Variants in B9D1 observed in about 807,000 individuals in gnomAD.
The protein encoded by B9D1 is B9 domain-containing protein 1.
In B9D1, 20 loss-of-function variants were observed where a neutral mutation model predicts 26.1. That is an observed-to-expected ratio of 0.77 (90% CI 0.54 to 1.12). The LOEUF is 1.12. Ranked by LOEUF, B9D1 falls within the 50% of genes most tolerant of loss-of-function variation. The pLI, the probability that B9D1 is intolerant of heterozygous loss-of-function variation, is 0.00. For missense variants in B9D1, 260 were observed against 273.7 expected (o/e 0.95, Z 0.35); for synonymous variants, 105 against 103.1 (o/e 1.02, Z -0.11).
rs1673048665 is a variant in B9D1, at chr17:19,347,076, C to T, written c.404+193G>A. Reference sequence around the variant, plus strand: ...AGGGCACAGGGTAAAATCGCCCGGCCTTCTGCTGCTGGAACAGGGCTGAAG... The same window carrying T: ...AGGGCACAGGGTAAAATCGCCCGGCTTTCTGCTGCTGGAACAGGGCTGAAG... On this transcript the variant is annotated intron_variant, in intron 5 of 6. Transcript: ENST00000261499. The surrounding 1 kb of genome is among the most constrained non-coding windows in gnomAD (Gnocchi z 4.3). 2 of 1,553,528 alleles carry T rather than the reference C, an allele frequency of 1.3e-6. No homozygotes were observed. Among genetic ancestry groups the T allele is most frequent in the Non-Finnish European group, 1.7e-6 (2 of 1,148,534 alleles).
At chr17:19,341,531 A>C (rs942047430), downstream of B9D1, among the ~76,000 whole-genome samples, 3 of 152,182 alleles carry the variant, frequency 2.0e-5, no homozygotes, top group Admixed American at 6.5e-5. Flanking sequence ...CAGGTAGGGT[A>C]AGGAAGGCAG....
chr17:19,377,851 G>T, intron 1 of B9D1: 1 of 985,438 alleles, frequency 1.0e-6, no homozygotes, highest in South Asian at 4.7e-5. Flanking sequence ...CGAGCGGAGG[G>T]AAGATACCTA....
At chr17:19,355,178 G>C (rs1341076086) in intron 3 of B9D1, among the ~76,000 whole-genome samples, 1 of 152,082 alleles carries the variant, frequency 6.6e-6, no homozygotes, top group Non-Finnish European at 1.5e-5. Context: ...TGTTTAATCT[G>C]CTGAATTCCT....
Position 19,347,223 on chromosome 17 carries a change from C to A in B9D1, c.404+46G>T. 1.2e-6 allele frequency: 2 copies of A among 1,614,228 alleles called. No homozygotes were observed. The highest frequency in any genetic ancestry group is 1.7e-6 in the Non-Finnish European group (2 of 1,180,034). ...TGAGGGGTAGAATGGGACATCCATT[C>A]ATCCAGTAGATCAGGAGGGGCTGGG... On this transcript the variant is annotated intron_variant, in intron 5 of 6. Coordinates refer to ENST00000261499, the MANE Select transcript of B9D1 (RefSeq NM_015681.6). The surrounding 1 kb of genome is among the most constrained non-coding windows in gnomAD (Gnocchi z 4.3).
At chr17:19,341,307 T>A (rs1907935919), downstream of B9D1, 1 of 1,232,038 alleles carries the variant, frequency 8.1e-7, no homozygotes, top group African/African-American at 1.5e-5. Flanking sequence ...AGAAGACAGC[T>A]TTCCGGGGAG....
Position 19,347,870 on chromosome 17 carries a change from G to A in B9D1, c.255C>T (p.Ile85=), listed in dbSNP as rs759444627. 1.2e-5 allele frequency: 19 copies of A among 1,613,928 alleles called. No individual in the cohort carries two copies. The highest frequency in any genetic ancestry group is 3.3e-5 in the South Asian group (3 of 91,070). ...CATCTGGTCCATACACGCTGAGCAC[G>A]ATCTGTGGCCCTTGGGAAGGACAAG... ...KSTNPYGWPQ[I]VLSVYGPDVF... The change falls in exon 4 of 7, where the codon ATC becomes ATT. Residue 85 remains isoleucine, a synonymous_variant. Transcript: ENST00000261499. This position sits in a 1 kb window ranked among gnomAD's most constrained non-coding sequence, Gnocchi z 4.3.
At chr17:19,363,832 T>TGCCTAGTGAGCAAAGATATTTGATCAGGG (rs1911417212), upstream of B9D1, 1 of 151,940 alleles carries the variant, frequency 6.6e-6, no homozygotes, top group African/African-American at 2.4e-5. Flanking sequence ...AACCACCCCC[T>TGCCTAGTGAGCAAAGATATTTGATCAGGG]GCCTAGTGAG....
chr17:19,342,304 C>T (rs144488938), downstream of B9D1, among the ~76,000 whole-genome samples: 9 of 152,164 alleles, frequency 5.9e-5, no homozygotes, highest in East Asian at 1.5e-3. Flanking sequence ...GGGGAGGGCA[C>T]GGGAGTGCTC....
At chr17:19,342,974 C>CT, downstream of B9D1, 3 of 717,070 alleles carry the variant, frequency 4.2e-6, no homozygotes, top group Non-Finnish European at 5.8e-6. Flanking sequence ...GGCCACACAG[C>CT]TTTGAGTGGC....
chr17:19,348,261 G>A (rs1437293988), intron 3 of B9D1, among the ~76,000 whole-genome samples: 10 of 152,134 alleles, frequency 6.6e-5, no homozygotes, highest in African/African-American at 2.2e-4. Flanking sequence ...TGATGGAGGC[G>A]GGCTCATGGG....
At chr17:19,362,908 G>C (rs996769368), upstream of B9D1, 1 of 418,572 alleles carries the variant, frequency 2.4e-6, no homozygotes, top group African/African-American at 2.0e-5. Context: ...TGTTCACTCT[G>C]ACTCGGCCCG....
intron 3 of B9D1, 70 bp downstream of exon 3, chr17:19,357,770 G>T: frequency 9.0e-7 from 1 of 1,116,032 alleles, no homozygotes; most frequent in Non-Finnish European, 1.4e-6. Context: ...GCTGGATGAG[G>T]CAGAGGCTGT....
At chr17:19,365,233 A>G (rs1290166023), upstream of B9D1, among the ~76,000 whole-genome samples, 1 of 152,234 alleles carries the variant, frequency 6.6e-6, no homozygotes, top group Non-Finnish European at 1.5e-5. This position sits in a 1 kb window ranked among gnomAD's most constrained non-coding sequence, Gnocchi z 5.0. Flanking sequence ...TGAGGACAAG[A>G]GCAGCTCCCC....
intron 2 of B9D1, 71 bp downstream of exon 2, chr17:19,360,249 G>T: frequency 7.2e-7 from 1 of 1,396,530 alleles, no homozygotes; most frequent in Non-Finnish European, 1.0e-6. Context: ...ATGGGGAGGG[G>T]AAGGATATGA....
In B9D1 at chr17:19,362,612, C is replaced by T; in HGVS notation, c.-43G>A. The stretch of plus-strand genomic sequence containing the variant: ...CGGGGGGACCCACCTAGGCCGCGCG[C>T]GGTTGCTAAGAGACGCCGGCGTTGC... On this transcript the variant is annotated 5_prime_UTR_variant, in exon 1 of 7. Transcript: ENST00000261499. 6.4e-7 allele frequency: 1 copy of T among 1,574,296 alleles called. No individual in the cohort carries two copies. The highest frequency in any genetic ancestry group is 8.6e-7 in the Non-Finnish European group (1 of 1,159,326).
intron 3 of B9D1, 170 bp downstream of exon 3, chr17:19,357,667 GGAA>G (rs1218974094): frequency 6.0e-6 from 4 of 663,268 alleles, no homozygotes; most frequent in East Asian, 2.8e-5. Context: ...GTGGGGATGA[GGAA>G]GAAGAGGAGG....
intron 1 of B9D1, among the ~76,000 whole-genome samples, chr17:19,373,078 C>A (rs563316412): frequency 6.6e-6 from 1 of 152,156 alleles, no homozygotes; most frequent in African/African-American, 2.4e-5. Context: ...AATCAGCATA[C>A]CCCTCCCCTC....
chr17:19,374,416 G>A (rs1237270894), intron 1 of B9D1, among the ~76,000 whole-genome samples: 2 of 152,200 alleles, frequency 1.3e-5, no homozygotes, highest in East Asian at 1.9e-4. Flanking sequence ...AAAAAGCACC[G>A]TGTGAGTCAT....
chr17:19,350,226 G>A (rs1159094184), intron 3 of B9D1, among the ~76,000 whole-genome samples: 5 of 151,832 alleles, frequency 3.3e-5, no homozygotes, highest in Admixed American at 2.0e-4. Flanking sequence ...CCTGGGTAAC[G>A]TGGCAAAACC....
Sources: gnomAD v4.1 joint callset for allele counts (sites outside exome capture counted in the v4.1 genomes callset) on GRCh38, gnomAD v4.1.1 for gene constraint, Gnocchi (gnomAD v3.1) non-coding constraint, MANE v1.5 for transcripts, NCBI Gene and HGNC (gene_info 2026-07-23, HGNC 2026-07-21) for gene names.